EFCAB13: variants seen among roughly 807,000 people sequenced by gnomAD.
EFCAB13 encodes EF-hand calcium-binding domain-containing protein 13.
EFCAB13 carries 91 observed loss-of-function variants against 110.2 expected under a neutral mutation model. That is an observed-to-expected ratio of 0.83 (90% CI 0.70 to 0.98). EFCAB13 has a LOEUF of 0.98. Ranked by LOEUF, EFCAB13 falls within the 50% of genes least tolerant of loss-of-function variation. EFCAB13 has a pLI of 0.00. For synonymous variants in EFCAB13, 323 were observed against 369.9 expected, an observed-to-expected ratio of 0.87 and a Z score of 1.45; for missense variants, 968 against 1,119.4, an observed-to-expected ratio of 0.86 and a Z score of 1.93.
intron 20 of EFCAB13, among the ~76,000 whole-genome samples, 188 bp downstream of exon 20, chr17:47,404,821 T>C (rs143100228): frequency 1.3e-5 from 2 of 152,278 alleles, no homozygotes; most frequent in African/African-American, 4.8e-5. Context: ...ATTTAAGAAT[T>C]GTACATTTGT....
intron 21 of EFCAB13, among the ~76,000 whole-genome samples, chr17:47,411,669 A>ATGG (rs1199645588): frequency 6.6e-6 from 1 of 152,218 alleles, no homozygotes; most frequent in Non-Finnish European, 1.5e-5. Flanking sequence ...AGATGATATT[A>ATGG]TGGTGTTCTT....
chr17:47,324,871 G>A (rs1481068676), intron 2 of EFCAB13, among the ~76,000 whole-genome samples: 1 of 148,092 alleles, frequency 6.8e-6, no homozygotes, highest in Non-Finnish European at 1.5e-5. Context: ...CTACTGGCTG[G>A]GTTCAATTTC....
intron 4 of EFCAB13, among the ~76,000 whole-genome samples, chr17:47,333,755 A>G (rs1373931775): frequency 6.6e-6 from 1 of 152,142 alleles, no homozygotes; most frequent in African/African-American, 2.4e-5. Context: ...ATATTTGGAA[A>G]ATTTCTAGGC....
intron 4 of EFCAB13, among the ~76,000 whole-genome samples, chr17:47,330,265 G>A (rs2065312433): frequency 6.6e-6 from 1 of 151,400 alleles, no homozygotes; most frequent in African/African-American, 2.4e-5. Context: ...TATAGGCTTT[G>A]TTTTTTGTTA....
chr17:47,382,823 C>T (rs9913014), intron 14 of EFCAB13, among the ~76,000 whole-genome samples: 98,091 of 151,950 alleles, frequency 0.65, 32,289 homozygotes, highest in African/African-American at 0.76. Flanking sequence ...GGAGTCCCCC[C>T]TTTTCTGTTG....
chr17:47,396,080 G>A (rs769726171), intron 17 of EFCAB13, 103 bp downstream of exon 17: 173 of 960,966 alleles, frequency 1.8e-4, no homozygotes, highest in Non-Finnish European at 2.4e-4. Flanking sequence ...CGGAGTGTTC[G>A]AATATGATTG....
At chr17:47,423,831 G>A (rs918898209) in intron 23 of EFCAB13, among the ~76,000 whole-genome samples, 3 of 150,976 alleles carry the variant, frequency 2.0e-5, no homozygotes, top group Non-Finnish European at 2.9e-5. Flanking sequence ...CTCCTGCTGA[G>A]CTTTGCTGGG....
intron 13 of EFCAB13, among the ~76,000 whole-genome samples, 189 bp from the exon 14 acceptor site, chr17:47,378,993 A>G (rs2065631439): frequency 1.3e-5 from 2 of 152,172 alleles, no homozygotes; most frequent in Admixed American, 1.3e-4. Flanking sequence ...CTTGGCACTA[A>G]TATGCTCTCA....
chr17:47,413,990 T>G (rs1262358653), intron 22 of EFCAB13, among the ~76,000 whole-genome samples: 1 of 152,160 alleles, frequency 6.6e-6, no homozygotes, highest in Non-Finnish European at 1.5e-5. Flanking sequence ...GTTTTGGTGT[T>G]AGTACTCAAT....
intron 10 of EFCAB13, among the ~76,000 whole-genome samples, chr17:47,363,603 A>G (rs1429813675): frequency 1.3e-5 from 2 of 152,162 alleles, no homozygotes; most frequent in African/African-American, 2.4e-5. Context: ...GGGAAAGATT[A>G]TCAGAGGGGC....
At chr17:47,344,525 T>G (rs1484771747) in intron 7 of EFCAB13, among the ~76,000 whole-genome samples, 1 of 152,124 alleles carries the variant, frequency 6.6e-6, no homozygotes, top group Non-Finnish European at 1.5e-5. Context: ...GGCATCACTT[T>G]CCACATCTGT....
At chr17:47,369,531 T>C (rs1456417706) in intron 10 of EFCAB13, 1 of 152,654 alleles carries the variant, frequency 6.6e-6, no homozygotes. Flanking sequence ...TTATCAAACA[T>C]TCAACTTTTT....
chr17:47,329,136 G>A (rs1251623597), intron 4 of EFCAB13: 1 of 152,040 alleles, frequency 6.6e-6, no homozygotes, highest in Non-Finnish European at 1.5e-5. Context: ...TTATCAGTGG[G>A]GATAAAACAG....
At chr17:47,373,963 G>A (rs1204860379) in intron 11 of EFCAB13, among the ~76,000 whole-genome samples, 1 of 152,092 alleles carries the variant, frequency 6.6e-6, no homozygotes, top group Non-Finnish European at 1.5e-5. Flanking sequence ...TGTAAATGAA[G>A]TCTCAGTTTG....
At chr17:47,372,029 C>T (rs566822602) in intron 11 of EFCAB13, among the ~76,000 whole-genome samples, 1 of 152,318 alleles carries the variant, frequency 6.6e-6, no homozygotes, top group Non-Finnish European at 1.5e-5. Flanking sequence ...TTAATTGATT[C>T]ACAGTTCCAC....
chr17:47,339,590 C>T (rs2143249276), intron 5 of EFCAB13, among the ~76,000 whole-genome samples: 1 of 151,794 alleles, frequency 6.6e-6, no homozygotes, highest in South Asian at 2.1e-4. Context: ...AGTTTTGGTT[C>T]ATGGGCCAGA....
rs149958480 is a variant in EFCAB13 at position 47,440,497 on chromosome 17, C to T, written c.2705C>T (p.Ala902Val). The change falls in exon 25 of 25, where the codon GCT (alanine) becomes GTT (valine). Residue 902 changes from alanine to valine, a missense_variant. Physicochemically the swap from Ala to Val is moderately conservative, Grantham distance 64. Coordinates refer to ENST00000331493, the MANE Select transcript of EFCAB13 (RefSeq NM_152347.5). ...TCCGATATATTGACAATTCCTAAAG[C>T]TGCAGGTAAGTTTTATTTAATATGT... ...KLSDILTIPK[A>V]AGKFYLICTY... The T allele has an allele frequency of 1.9e-6, 3 of 1,611,182 alleles. No individual in the cohort carries two copies. The East Asian group carries it at 6.7e-5, about 36-fold the overall frequency.
At chr17:47,325,934 AT>A in intron 2 of EFCAB13, among the ~76,000 whole-genome samples, 1 of 40,102 alleles carries the variant, frequency 2.5e-5, no homozygotes, top group African/African-American at 6.8e-5. Flanking sequence ...ATATATATAT[AT>A]ATATATATAT....
intron 24 of EFCAB13, among the ~76,000 whole-genome samples, chr17:47,439,355 T>G (rs2143533454): frequency 6.6e-6 from 1 of 151,942 alleles, no homozygotes; most frequent in East Asian, 1.9e-4. Flanking sequence ...TTTTGTATTT[T>G]CAGTAGAGAC....
Sources: gnomAD v4.1 joint callset for allele counts (sites outside exome capture counted in the v4.1 genomes callset) on GRCh38, gnomAD v4.1.1 for gene constraint, MANE v1.5 for transcripts, NCBI Gene and HGNC (gene_info 2026-07-23, HGNC 2026-07-21) for gene names.